NAF1: variants seen among roughly 807,000 people sequenced by gnomAD.
NAF1 encodes the protein nuclear assembly factor 1 ribonucleoprotein, also known as H/ACA ribonucleoprotein complex non-core subunit NAF1.
A neutral mutation model predicts 40.6 loss-of-function variants in NAF1; 11 were observed. The observed-to-expected ratio is 0.27, with a 90% CI of 0.17 to 0.45. The LOEUF is 0.45. NAF1 is among the 20% of genes least tolerant of loss of function. NAF1 has a pLI of 1.00. For missense variants in NAF1, 607 were observed against 611.1 expected (o/e 0.99, Z 0.07); for synonymous variants, 260 against 228.5 (o/e 1.14, Z -1.24).
chr4:163,110,180 G>C (rs947738773), exon 3 of NAF1: 8 of 633,404 alleles, frequency 1.3e-5, no homozygotes, highest in Non-Finnish European at 2.0e-5. Flanking sequence ...GACTAGGCTG[G>C]TAGACTTGCT....
Position 163,145,847 on chromosome 4 carries a change from T to C in NAF1, c.652A>G (p.Thr218Ala). The C allele has an allele frequency of 2.6e-6, 4 of 1,531,552 alleles. No individual in the cohort carries two copies. Among genetic ancestry groups the C allele is most frequent in the Middle Eastern group, 3.4e-4 (2 of 5,806 alleles). The allele number at this position is 1,531,552 out of a possible 1,614,324, so 94.9% of individuals were successfully genotyped here. ...IEQLVIIESM[T>A]NLPPVNEETV... ...TCCTCATTAACTGGAGGTAGGTTAG[T>C]CATAGATTCAATTATTACTGAAAAA... The change falls in exon 4 of 8, where the codon ACT becomes GCT. Residue 218 changes from threonine to alanine, a missense_variant. Thr to Ala is a moderately conservative substitution (Grantham distance 58, BLOSUM62 0). Transcript: ENST00000274054.
At chr4:163,144,693 A>ATT (rs1478028071) in intron 4 of NAF1, among the ~76,000 whole-genome samples, 3 of 152,348 alleles carry the variant, frequency 2.0e-5, no homozygotes, top group African/African-American at 7.2e-5. Flanking sequence ...AATAGATTTA[A>ATT]TTTTTGCCAA....
chr4:163,111,431 C>T (rs1346665607), intron 2 of NAF1, among the ~76,000 whole-genome samples: 1 of 151,916 alleles, frequency 6.6e-6, no homozygotes, highest in East Asian at 1.9e-4. Flanking sequence ...TTTTGAAACA[C>T]AAAATAAAAT....
At chr4:163,157,085 C>A (rs1211573394) in intron 2 of NAF1, 1 of 152,026 alleles carries the variant, frequency 6.6e-6, no homozygotes, top group Non-Finnish European at 1.5e-5. Flanking sequence ...CCCCAAACAC[C>A]ACAGCATTTC....
chr4:163,163,271 T>C (rs1732299779), intron 2 of NAF1, among the ~76,000 whole-genome samples: 1 of 152,110 alleles, frequency 6.6e-6, no homozygotes, highest in African/African-American at 2.4e-5. Flanking sequence ...TTATAAAGCA[T>C]AAGCGAGACG....
At position 163,148,364 on chromosome 4, in the gene NAF1, A is replaced by G; in HGVS notation, c.611T>C (p.Val204Ala). 2 of 1,569,442 alleles carry G rather than the reference A, an allele frequency of 1.3e-6. No individual in the cohort carries two copies. The highest frequency in any genetic ancestry group is 1.7e-6 in the Non-Finnish European group (2 of 1,164,216). The change falls in exon 3 of 8, where the codon GTT becomes GCT. Residue 204 changes from valine to alanine, a missense_variant. Val to Ala is a moderately conservative substitution (Grantham distance 64, BLOSUM62 0). Coordinates refer to ENST00000274054, the MANE Select transcript of NAF1 (RefSeq NM_138386.3). ...ACCTAGTTGTTCAATAATACTTGAA[A>G]CCATCCCAAGAGGCTTTAACTCAAT... ...EDIELKPLGM[V>A]SSIIEQLVII...
downstream of NAF1, among the ~76,000 whole-genome samples, chr4:163,123,285 T>G (rs1277449409): frequency 1.3e-5 from 2 of 152,128 alleles, no homozygotes; most frequent in Admixed American, 6.5e-5. Flanking sequence ...ACCAAACCAT[T>G]CATAAGGGTT....
In NAF1 at chr4:163,133,824, T is replaced by A. The variant is rs187635840; in HGVS notation, c.931-568A>T. ...CCATAGGCAAAAGCTTTTTTGTGTG[T>A]GTGTGTGCAGTGGTGCAATCTCAGC... is the stretch of plus-strand genomic sequence containing the variant. On this transcript the variant is annotated intron_variant, in intron 6 of 7. Coordinates refer to ENST00000274054, the MANE Select transcript of NAF1 (RefSeq NM_138386.3). Among the ~76,000 whole-genome samples the A allele has an allele frequency of 1.5e-4, 23 of 152,254 alleles. No individual in the cohort carries two copies. In the East Asian group the frequency reaches 3.9e-3, roughly 26 times the overall value.
chr4:163,126,328 G>C (rs973879180), downstream of NAF1, among the ~76,000 whole-genome samples: 2 of 152,080 alleles, frequency 1.3e-5, no homozygotes, highest in Non-Finnish European at 1.5e-5. Context: ...TTTATGAGGG[G>C]GGTCAAAATA....
chr4:163,163,799 G>C (rs1204063344), intron 2 of NAF1, among the ~76,000 whole-genome samples: 3 of 151,836 alleles, frequency 2.0e-5, no homozygotes, highest in African/African-American at 7.3e-5. Flanking sequence ...CAATTAAAAA[G>C]TCAATTGCTA....
intron 2 of NAF1, 22 bp from the exon 3 acceptor site, chr4:163,148,456 A>G (rs1731564946): frequency 4.8e-6 from 7 of 1,461,840 alleles, no homozygotes; most frequent in Non-Finnish European, 5.6e-6. Context: ...AACAAAACAA[A>G]ACATTAAACT....
At chr4:163,162,833 G>A (rs1732281267) in intron 2 of NAF1, among the ~76,000 whole-genome samples, 1 of 152,150 alleles carries the variant, frequency 6.6e-6, no homozygotes. Context: ...GAATTACAAG[G>A]ATCACATATG....
intron 5 of NAF1, among the ~76,000 whole-genome samples, chr4:163,138,992 C>A (rs1731157797): frequency 2.0e-5 from 3 of 151,884 alleles, no homozygotes; most frequent in Non-Finnish European, 1.5e-5. Flanking sequence ...AGAAAATAAC[C>A]TTATGCAATG....
chr4:163,104,197 C>A, the NAF1 span, among the ~76,000 whole-genome samples: 1 of 152,218 alleles, frequency 6.6e-6, no homozygotes, highest in Admixed American at 6.5e-5. Flanking sequence ...GCAATGTCAT[C>A]AGTTAAGGCA....
chr4:163,153,949 GC>G (rs1201626908), intron 2 of NAF1, among the ~76,000 whole-genome samples: 1 of 152,032 alleles, frequency 6.6e-6, no homozygotes, highest in Non-Finnish European at 1.5e-5. Flanking sequence ...CACTCCTGAA[GC>G]CAGCGAGACC....
intron 2 of NAF1, among the ~76,000 whole-genome samples, chr4:163,151,697 T>G (rs1420665674): frequency 2.0e-5 from 3 of 152,172 alleles, no homozygotes. Flanking sequence ...CATAAATATT[T>G]TTCCCCTTGG....
At chr4:163,126,663 T>A (rs1730664512), downstream of NAF1, 1 of 176,342 alleles carries the variant, frequency 5.7e-6, no homozygotes, top group Admixed American at 6.1e-5. Flanking sequence ...GTGGCAGGGT[T>A]TGAGAGGACT....
chr4:163,157,049 T>C (rs1414460989), intron 2 of NAF1: 1 of 152,042 alleles, frequency 6.6e-6, no homozygotes, highest in East Asian at 1.9e-4. Context: ...CATTAGCAAA[T>C]GAAAAGCTTG....
Position 163,166,376 on chromosome 4 carries a change from A to C in NAF1, c.352T>G (p.Ser118Ala). Residue 118 changes from serine (S) to alanine (A), a missense_variant, in exon 1 of 8, where the codon TCG (serine) becomes GCG (alanine). Transcript: ENST00000274054. ...PDSLETSDSD[S>A]DSDSETDSDS... ...TAGGCACCCGACCTGTCCGAGTCCG[A>C]ATCCGAGTCCGAGGTCTCCAAGGAG... The C allele has an allele frequency of 6.2e-7, 1 of 1,603,728 alleles. No individual in the cohort carries two copies. The highest frequency in any genetic ancestry group is 2.2e-5 in the East Asian group (1 of 44,602).
Sources: gnomAD v4.1 joint callset for allele counts (sites outside exome capture counted in the v4.1 genomes callset) on GRCh38, gnomAD v4.1.1 for gene constraint, MANE v1.5 for transcripts, NCBI Gene and HGNC (gene_info 2026-07-23, HGNC 2026-07-21) for gene names.